The following BPIFC variants were observed in gnomAD, a reference collection of about 807,000 sequenced individuals.
The protein encoded by BPIFC is BPI fold containing family C.
In BPIFC, 60 loss-of-function variants were observed where a neutral mutation model predicts 57.6. The ratio of observed to expected loss-of-function variants is 1.04; its 90% CI spans 0.85 to 1.29. The LOEUF is 1.29. Among genes scored for constraint, BPIFC ranks in the 50% most tolerant of loss-of-function variants. The probability of loss-of-function intolerance (pLI) is 0.00; values close to 1 mark genes in which losing one functional copy is unlikely to be tolerated. For synonymous variants in BPIFC, 243 were observed against 224.5 expected (o/e 1.08, Z -0.74); for missense variants, 581 against 600.5 (o/e 0.97, Z 0.34).
intron 4 of BPIFC, 48 bp from the exon 5 acceptor site, chr22:32,447,388 C>T (rs894935649): frequency 6.3e-7 from 1 of 1,582,844 alleles, no homozygotes; most frequent in African/African-American, 1.4e-5. Context: ...CAGCACATCT[C>T]TTCAGTCAAG....
Position 32,414,298 on chromosome 22 carries a change from G to A in BPIFC, c.*5C>T, listed in dbSNP as rs746592459. The stretch of plus-strand genomic sequence containing the variant: ...TACTTCCTGGGGTGAATTGCAAACC[G>A]GCAATCAAGGGGCTGACTTCCCCCT... On this transcript the variant is annotated 3_prime_UTR_variant, in exon 17 of 17. Transcript: ENST00000300399. The A allele has an allele frequency of 1.2e-6, 2 of 1,612,278 alleles. No homozygotes were observed. The highest frequency in any genetic ancestry group is 1.3e-5 in the African/African-American group (1 of 74,814).
chr22:32,416,079 CT>C (rs386395239), intron 15 of BPIFC, 88 bp from the exon 16 acceptor site: 56,011 of 429,372 alleles, frequency 0.13, 5 homozygotes, highest in South Asian at 0.16. Flanking sequence ...TGACAGCTTG[CT>C]TTTTTTTTTT....
Position 32,435,828 on chromosome 22 carries a change from G to T in BPIFC, c.800C>A (p.Pro267His). The part of the protein sequence containing the change: ...NLTDPPFSPV[P>H]FVLPERSNSM... ...GTTGCTGCGTTCTGGGAGCACAAAA[G>T]GAACTGGTGAGAAGGGGGGGTCGGT... Residue 267 changes from proline (P) to histidine (H), a missense_variant, in exon 10 of 17, where the codon CCT becomes CAT. Coordinates refer to ENST00000300399, the MANE Select transcript of BPIFC (RefSeq NM_174932.3). The T allele has an allele frequency of 1.2e-6, 2 of 1,614,138 alleles. No individual in the cohort carries two copies. Among genetic ancestry groups the T allele is most frequent in the Non-Finnish European group, 1.7e-6 (2 of 1,180,028 alleles).
intron 11 of BPIFC, among the ~76,000 whole-genome samples, chr22:32,433,210 A>G (rs1934297703): frequency 6.6e-6 from 1 of 152,142 alleles, no homozygotes; most frequent in South Asian, 2.1e-4. Flanking sequence ...CTCAAAAAAC[A>G]AACAAACAAA....
chr22:32,430,936 C>A (rs1934221197), intron 13 of BPIFC, among the ~76,000 whole-genome samples: 2 of 152,124 alleles, frequency 1.3e-5, no homozygotes, highest in Admixed American at 1.3e-4. Context: ...AAGATGGCAC[C>A]TGACCATATT....
intron 4 of BPIFC, among the ~76,000 whole-genome samples, chr22:32,449,774 G>A (rs1373457737): frequency 9.4e-5 from 14 of 149,120 alleles, no homozygotes; most frequent in African/African-American, 3.0e-4. Context: ...TCACTCTGTC[G>A]CCCGGGCTGG....
chr22:32,450,299 C>A (rs887674364), intron 4 of BPIFC, among the ~76,000 whole-genome samples: 2 of 152,076 alleles, frequency 1.3e-5, no homozygotes, highest in African/African-American at 2.4e-5. Context: ...AGGTTTGTAG[C>A]CTAGGAGCAA....
chr22:32,449,673 T>C (rs1450040745), intron 4 of BPIFC, among the ~76,000 whole-genome samples: 1 of 152,214 alleles, frequency 6.6e-6, no homozygotes, highest in East Asian at 1.9e-4. Flanking sequence ...TTTCTAGCAC[T>C]TCTGTATTAT....
chr22:32,440,854 G>A (rs1467275467), intron 8 of BPIFC, among the ~76,000 whole-genome samples: 1 of 152,068 alleles, frequency 6.6e-6, no homozygotes, highest in Non-Finnish European at 1.5e-5. Flanking sequence ...ATGGGTCACT[G>A]CACTCATCTC....
chr22:32,460,432 G>C (rs1274589156), intron 2 of BPIFC, among the ~76,000 whole-genome samples: 2 of 152,192 alleles, frequency 1.3e-5, no homozygotes, highest in African/African-American at 4.8e-5. Context: ...TTTGCTGGAG[G>C]CCAAAGGTTT....
At chr22:32,447,602 GCT>G (rs1455025658) in intron 4 of BPIFC, among the ~76,000 whole-genome samples, 1 of 139,528 alleles carries the variant, frequency 7.2e-6, no homozygotes, top group Non-Finnish European at 1.6e-5. Flanking sequence ...CTTCTCTCTC[GCT>G]CTCTTTTTTT....
intron 2 of BPIFC, among the ~76,000 whole-genome samples, chr22:32,461,169 C>T (rs1935152292): frequency 6.6e-6 from 1 of 152,096 alleles, no homozygotes; most frequent in Admixed American, 6.6e-5. Context: ...GGGGGACACT[C>T]AGAGTATTGG....
chr22:32,423,003 A>G (rs2145915109), intron 13 of BPIFC, among the ~76,000 whole-genome samples: 1 of 152,312 alleles, frequency 6.6e-6, no homozygotes, highest in South Asian at 2.1e-4. Context: ...GGATGTGTGG[A>G]TAAATGAGCG....
chr22:32,455,124 C>T (rs1433057649), intron 3 of BPIFC, among the ~76,000 whole-genome samples: 1 of 143,696 alleles, frequency 7.0e-6, no homozygotes, highest in African/African-American at 2.6e-5. Flanking sequence ...GATCTCAGCT[C>T]ACTGCAACCT....
intron 13 of BPIFC, among the ~76,000 whole-genome samples, chr22:32,420,737 A>G (rs1437675337): frequency 1.3e-5 from 2 of 152,230 alleles, no homozygotes. Flanking sequence ...ATAAATGACA[A>G]ATGTTTGAGA....
rs780135226 is a variant in BPIFC at position 32,447,304 on chromosome 22, T to C, written c.282A>G (p.Ser94=). The C allele has an allele frequency of 6.2e-7, 1 of 1,613,694 alleles. No homozygotes were observed. Among genetic ancestry groups the C allele is most frequent in the South Asian group, 1.1e-5 (1 of 91,030 alleles). Reference sequence around the variant, plus strand: ...TTCCCACTCCAGGCACAAAAGCCAATGAGGTATTTGGAAATGAAAAGGCAC... The same window carrying C: ...TTCCCACTCCAGGCACAAAAGCCAACGAGGTATTTGGAAATGAAAAGGCAC... ...KISAFSFPNT[S]LAFVPGVGIK... Residue 94 remains serine, a synonymous_variant, in exon 5 of 17, where the codon TCA becomes TCG. Coordinates refer to ENST00000300399, the MANE Select transcript of BPIFC (RefSeq NM_174932.3).
At position 32,442,682 on chromosome 22, in the gene BPIFC, C is replaced by T. The variant is rs1452372104; in HGVS notation, c.644G>A (p.Ser215Asn). 1 of 1,613,742 alleles carries T rather than the reference C, an allele frequency of 6.2e-7. No homozygotes were observed. The highest frequency in any genetic ancestry group is 1.7e-5 in the Admixed American group (1 of 60,006). The change falls in exon 8 of 17, where the codon AGC becomes AAC. Residue 215 changes from serine (S) to asparagine (N), a missense_variant. Ser to Asn is a conservative substitution (Grantham distance 46, BLOSUM62 1). Coordinates refer to ENST00000300399, the MANE Select transcript of BPIFC (RefSeq NM_174932.3). ...SEVKALNANL[S>N]TLEVLTKIDN... ...GTTCTAAGACTCACCCTCCAGTGTG[C>T]TGAGGTTGGCATTTAGCGCTTTGAC... is the stretch of plus-strand genomic sequence containing the variant.
Position 32,447,315 on chromosome 22 carries a change from GA to G in BPIFC, c.270del (p.Pro91GlnfsTer16). The G allele has an allele frequency of 6.2e-7, 1 of 1,613,766 alleles. No homozygotes were observed. Among genetic ancestry groups the G allele is most frequent in the Non-Finnish European group, 8.5e-7 (1 of 1,179,940 alleles). On this transcript the variant is annotated frameshift_variant, in exon 5 of 17. Transcript: ENST00000300399. LOFTEE classifies it high-confidence loss of function. ...FSNIKISAFS[F>X]PNTSLAFVPG... ...GGCACAAAAGCCAATGAGGTATTTG[GA>G]AATGAAAAGGCACTGATTTTTATAC...
chr22:32,464,368 T>C lies in BPIFC; in HGVS notation c.-89+6A>G. 1.0e-6 allele frequency: 1 copy of C among 985,010 alleles called. No homozygotes were observed. The highest frequency in any genetic ancestry group is 1.2e-6 in the Non-Finnish European group (1 of 829,688). The allele number at this position is 985,010 out of a possible 1,614,324, so 61.0% of individuals were successfully genotyped here. A position where few individuals can be genotyped will look rare whatever the true frequency, so the allele number is the denominator to read the frequency against. On this transcript the variant is annotated splice_donor_region_variant and intron_variant, in intron 1 of 16. Transcript: ENST00000300399. Reference sequence around the variant, plus strand: ...CAGAGACCTGAAGTTTGTTCATGAGTCTTACCTCAAGCAGAGGAAGTGTCC... The same window carrying C: ...CAGAGACCTGAAGTTTGTTCATGAGCCTTACCTCAAGCAGAGGAAGTGTCC...
Sources: gnomAD v4.1 joint callset for allele counts (sites outside exome capture counted in the v4.1 genomes callset) on GRCh38, gnomAD v4.1.1 for gene constraint, MANE v1.5 for transcripts, NCBI Gene and HGNC (gene_info 2026-07-23, HGNC 2026-07-21) for gene names.